Variants in SLC39A11 observed in about 807,000 individuals in gnomAD.
SLC39A11 encodes the protein solute carrier family 39 member 11, also known as zinc transporter ZIP11.
A neutral mutation model predicts 36.1 loss-of-function variants in SLC39A11; 33 were observed. The observed-to-expected ratio is 0.91, with a 90% CI of 0.69 to 1.22. SLC39A11 has a LOEUF of 1.22. SLC39A11 is among the 50% of genes most tolerant of loss of function. SLC39A11 has a pLI of 0.00. For synonymous variants in SLC39A11, 166 were observed against 170.3 expected, an observed-to-expected ratio of 0.97 and a Z score of 0.20; for missense variants, 432 against 430.3, an observed-to-expected ratio of 1.00 and a Z score of -0.03.
At chr17:72,777,896 T>TGTATGTAC (rs1292181320) in intron 6 of SLC39A11, among the ~76,000 whole-genome samples, 9 of 149,674 alleles carry the variant, frequency 6.0e-5, no homozygotes, top group South Asian at 4.2e-4. Context: ...TATGTATGTA[T>TGTATGTAC]GTACGTACAT....
chr17:72,992,632 G>C (rs1441481348), intron 4 of SLC39A11, among the ~76,000 whole-genome samples: 1 of 152,096 alleles, frequency 6.6e-6, no homozygotes, highest in African/African-American at 2.4e-5. Flanking sequence ...ACTCTATAAC[G>C]TCTTTTGTCA....
At chr17:72,735,279 C>G (rs902530595) in intron 7 of SLC39A11, among the ~76,000 whole-genome samples, 1 of 152,160 alleles carries the variant, frequency 6.6e-6, no homozygotes, top group Non-Finnish European at 1.5e-5. Flanking sequence ...CTACATTTAA[C>G]ACACAGGGGC....
chr17:72,875,017 T>C (rs557144445), intron 5 of SLC39A11, among the ~76,000 whole-genome samples: 3 of 152,050 alleles, frequency 2.0e-5, no homozygotes, highest in African/African-American at 7.2e-5. Context: ...CCAAAAACAC[T>C]CAGATGGGCA....
At chr17:72,849,849 T>G in intron 5 of SLC39A11, 45 bp from the exon 6 acceptor site, 1 of 1,480,934 alleles carries the variant, frequency 6.8e-7, no homozygotes, top group Non-Finnish European at 9.0e-7. Flanking sequence ...AGACAGCGCT[T>G]TGAACATGTG....
chr17:72,914,813 A>C (rs981757823), intron 5 of SLC39A11, among the ~76,000 whole-genome samples: 1 of 150,060 alleles, frequency 6.7e-6, no homozygotes, highest in Non-Finnish European at 1.5e-5. Context: ...GGTTGCAGTG[A>C]GCTGAGATGG....
chr17:72,815,565 C>T (rs553950692), intron 6 of SLC39A11, among the ~76,000 whole-genome samples: 1 of 151,224 alleles, frequency 6.6e-6, no homozygotes, highest in Non-Finnish European at 1.5e-5. Context: ...TGCAGTGAGC[C>T]GAGATCACAC....
At position 72,818,315 on chromosome 17, in the gene SLC39A11, C is replaced by A. The variant is rs563369777; in HGVS notation, c.601+31319G>T. On this transcript the variant is annotated intron_variant, in intron 6 of 9. Coordinates refer to ENST00000255559, the MANE Select transcript of SLC39A11 (RefSeq NM_139177.4). Reference sequence around the variant, plus strand: ...CTGCTGAGGTTCTTGTCTGAAAGCCCCAGGCTGTGGCAGTCTCTTCTATCT... The same window carrying A: ...CTGCTGAGGTTCTTGTCTGAAAGCCACAGGCTGTGGCAGTCTCTTCTATCT... 4.6e-5 allele frequency among the ~76,000 whole-genome samples: 7 copies of A among 152,258 alleles called. No individual in the cohort carries two copies. In the East Asian group the frequency reaches 1.4e-3, roughly 29 times the overall value.
At chr17:72,952,148 G>C (rs2147800421) in intron 4 of SLC39A11, among the ~76,000 whole-genome samples, 1 of 152,286 alleles carries the variant, frequency 6.6e-6, no homozygotes, top group South Asian at 2.1e-4. Context: ...GGGAGCTACA[G>C]AAAGTATCTC....
intron 4 of SLC39A11, among the ~76,000 whole-genome samples, chr17:73,006,148 TGG>T (rs2090168103): frequency 6.6e-6 from 1 of 152,092 alleles, no homozygotes; most frequent in Admixed American, 6.5e-5. Context: ...TTCCAACACA[TGG>T]ATAAGGGTGG....
intron 7 of SLC39A11, chr17:72,663,963 C>T (rs1003722446): frequency 4.5e-5 from 7 of 154,244 alleles, no homozygotes; most frequent in African/African-American, 1.7e-4. Context: ...TACTTGTATA[C>T]CCTTGACCGA....
intron 4 of SLC39A11, among the ~76,000 whole-genome samples, chr17:73,020,908 C>G (rs371575002): frequency 6.6e-6 from 1 of 152,042 alleles, no homozygotes; most frequent in East Asian, 1.9e-4. Flanking sequence ...GTCTCGAACT[C>G]CTGACCTTGT....
chr17:72,842,102 G>GTGTGTGTGTGTGTGTGCA (rs1555592106), intron 6 of SLC39A11, among the ~76,000 whole-genome samples: 3 of 151,168 alleles, frequency 2.0e-5, no homozygotes, highest in African/African-American at 7.3e-5. Context: ...GTGTGTGTGT[G>GTGTGTGTGTGTGTGTGCA]CACGCACGCG....
chr17:73,013,695 T>C (rs2090650385), intron 4 of SLC39A11, among the ~76,000 whole-genome samples: 1 of 150,768 alleles, frequency 6.6e-6, no homozygotes, highest in Non-Finnish European at 1.5e-5. Context: ...TTTTGTGATT[T>C]TTTTTTTTTA....
At chr17:72,736,231 A>G (rs1032153422) in intron 7 of SLC39A11, among the ~76,000 whole-genome samples, 10 of 152,132 alleles carry the variant, frequency 6.6e-5, no homozygotes, top group African/African-American at 2.4e-4. Flanking sequence ...GCCCACCACC[A>G]AAGGGCCTTT....
At chr17:72,953,265 C>T (rs1349076783) in intron 4 of SLC39A11, among the ~76,000 whole-genome samples, 1 of 151,888 alleles carries the variant, frequency 6.6e-6, no homozygotes, top group East Asian at 1.9e-4. Flanking sequence ...CAACTTCCAC[C>T]CACTTTGGAA....
intron 6 of SLC39A11, among the ~76,000 whole-genome samples, chr17:72,829,108 T>G (rs1206777910): frequency 6.6e-6 from 1 of 151,932 alleles, no homozygotes; most frequent in Non-Finnish European, 1.5e-5. Context: ...TCCCAGCACT[T>G]TGAGAGGCCG....
intron 4 of SLC39A11, among the ~76,000 whole-genome samples, chr17:72,962,493 C>T (rs2086677607): frequency 6.6e-6 from 1 of 152,130 alleles, no homozygotes; most frequent in South Asian, 2.1e-4. Context: ...GGCTGGTGAC[C>T]TCTCTCTGTT....
chr17:72,958,962 T>C (rs1048170473), intron 4 of SLC39A11, among the ~76,000 whole-genome samples: 1 of 150,192 alleles, frequency 6.7e-6, no homozygotes, highest in East Asian at 1.9e-4. Context: ...AAAACCACAA[T>C]GCAATAGCAC....
intron 5 of SLC39A11, among the ~76,000 whole-genome samples, chr17:72,943,585 C>T (rs1260992031): frequency 1.3e-5 from 2 of 152,150 alleles, no homozygotes; most frequent in Non-Finnish European, 2.9e-5. Flanking sequence ...CTTTTTCCCC[C>T]AACACTTCAG....
Sources: allele counts gnomAD v4.1 joint callset (sites outside exome capture counted in the v4.1 genomes callset), GRCh38; gene constraint gnomAD v4.1.1; transcripts MANE v1.5; gene names NCBI Gene and HGNC (gene_info 2026-07-23, HGNC 2026-07-21).